Variants in FYN observed in about 807,000 individuals in gnomAD.
The protein encoded by FYN is tyrosine-protein kinase Fyn.
In FYN, 10 loss-of-function variants were observed where a neutral mutation model predicts 70.2. The observed-to-expected ratio is 0.14, with a 90% confidence interval of 0.09 to 0.24. The LOEUF (loss-of-function observed/expected upper bound fraction) is 0.24. Ranked by LOEUF, FYN falls within the 10% of genes least tolerant of loss-of-function variation. The pLI, the probability that FYN is intolerant of heterozygous loss-of-function variation, is 1.00. For missense variants in FYN, 319 were observed against 673.1 expected, an observed-to-expected ratio of 0.47 and a Z score of 5.82; for synonymous variants, 236 against 248.6, an observed-to-expected ratio of 0.95 and a Z score of 0.48.
chr6:111,726,161 T>C (rs1014568937), intron 3 of FYN, among the ~76,000 whole-genome samples: 1 of 152,222 alleles, frequency 6.6e-6, no homozygotes, highest in African/African-American at 2.4e-5. Context: ...AACATTTGAT[T>C]TCGGCTTTGC....
chr6:111,719,795 G>A lies in FYN; in HGVS notation c.247+10C>T. The A allele has an allele frequency of 1.9e-6, 3 of 1,612,598 alleles. No homozygotes were observed. Among genetic ancestry groups the A allele is most frequent in the Non-Finnish European group, 2.5e-6 (3 of 1,178,826 alleles). ...CCCCCTCTCTGCACTCTGTGACTTT[G>A]GGGGCTTACCTGTTCCTCCTCTCGT... On this transcript the variant is annotated intron_variant, in intron 4 of 13. Transcript: ENST00000354650.
At chr6:111,804,599 C>T (rs1181199107) in intron 2 of FYN, among the ~76,000 whole-genome samples, 2 of 152,170 alleles carry the variant, frequency 1.3e-5, no homozygotes, top group Admixed American at 6.5e-5. Flanking sequence ...AATGGCACAA[C>T]CTGAATTTTT....
chr6:111,717,853 A>G (rs1414372276), intron 4 of FYN, among the ~76,000 whole-genome samples: 2 of 152,212 alleles, frequency 1.3e-5, no homozygotes, highest in Non-Finnish European at 2.9e-5. Context: ...AGGACCACAG[A>G]GAAGAGTGGG....
chr6:111,688,722 G>T (rs965951495), intron 12 of FYN, among the ~76,000 whole-genome samples: 1 of 152,202 alleles, frequency 6.6e-6, no homozygotes, highest in Non-Finnish European at 1.5e-5. Flanking sequence ...AGGCCCATCT[G>T]ATATTCAGAC....
At chr6:111,663,146 G>C (rs1370720542) in intron 13 of FYN, among the ~76,000 whole-genome samples, 1 of 152,176 alleles carries the variant, frequency 6.6e-6, no homozygotes, top group Admixed American at 6.5e-5. Context: ...AAGCTGTGCT[G>C]TGCTTTGGTT....
chr6:111,752,479 T>C (rs754278303), intron 3 of FYN, among the ~76,000 whole-genome samples: 1 of 152,200 alleles, frequency 6.6e-6, no homozygotes, highest in African/African-American at 2.4e-5. Context: ...CAAGGCTCCA[T>C]TGAGGAGAGA....
intron 3 of FYN, among the ~76,000 whole-genome samples, chr6:111,779,721 T>C (rs928669180): frequency 3.9e-5 from 6 of 152,138 alleles, no homozygotes; most frequent in African/African-American, 1.4e-4. Context: ...ATCAAATGGA[T>C]GTAACCGGCC....
chr6:111,688,905 G>A (rs1799171541), intron 12 of FYN, among the ~76,000 whole-genome samples: 1 of 152,184 alleles, frequency 6.6e-6, no homozygotes, highest in African/African-American at 2.4e-5. Context: ...TCAAAGTGGT[G>A]ACTGCCCAGA....
At position 111,694,169 on chromosome 6, in the gene FYN, A is replaced by G. The variant is rs1352117202; in HGVS notation, c.1273+206T>C. ...ATACCCACCCACCCACCAAAAACCAATATCTCATCCCTCCACTGGGCCCAC... is the reference window on the plus strand; with the variant it reads ...ATACCCACCCACCCACCAAAAACCAGTATCTCATCCCTCCACTGGGCCCAC... On this transcript the variant is annotated intron_variant, in intron 12 of 13. Coordinates refer to ENST00000354650, the MANE Select transcript of FYN (RefSeq NM_002037.5). The surrounding 1 kb of genome is among the most constrained non-coding windows in gnomAD (Gnocchi z 5.0). Among the ~76,000 whole-genome samples, 4 of 151,976 alleles carry G rather than the reference A, an allele frequency of 2.6e-5. No individual in the cohort carries two copies. Among genetic ancestry groups the G allele is most frequent in the African/African-American group, 4.8e-5 (2 of 41,372 alleles).
At chr6:111,732,681 G>A (rs1801520410) in intron 3 of FYN, among the ~76,000 whole-genome samples, 3 of 152,180 alleles carry the variant, frequency 2.0e-5, no homozygotes, top group Non-Finnish European at 4.4e-5. Context: ...AACTCCTTGT[G>A]ACTGGGTATA....
chr6:111,836,519 C>T (rs1228714115), intron 2 of FYN, among the ~76,000 whole-genome samples: 1 of 152,190 alleles, frequency 6.6e-6, no homozygotes, highest in Non-Finnish European at 1.5e-5. Flanking sequence ...AATCTCAGAT[C>T]TTTCGAAGGT....
chr6:111,682,451 G>T (rs1013504796), intron 12 of FYN, among the ~76,000 whole-genome samples: 14 of 152,170 alleles, frequency 9.2e-5, no homozygotes, highest in Non-Finnish European at 2.1e-4. Context: ...GCCTCAAATA[G>T]AAATAGCTTA....
chr6:111,705,367 T>TTCA, intron 6 of FYN, among the ~76,000 whole-genome samples: 2 of 151,592 alleles, frequency 1.3e-5, no homozygotes, highest in Non-Finnish European at 1.5e-5. Context: ...GTGATCTGTG[T>TTCA]TCATCATCTT....
intron 2 of FYN, among the ~76,000 whole-genome samples, chr6:111,800,390 G>A (rs1771946600): frequency 1.3e-5 from 2 of 152,128 alleles, no homozygotes; most frequent in African/African-American, 4.8e-5. Context: ...TACAGCTTGT[G>A]GGAGGCTCTG....
chr6:111,794,594 A>C (rs1430162080), intron 2 of FYN, among the ~76,000 whole-genome samples: 1 of 152,222 alleles, frequency 6.6e-6, no homozygotes, highest in Non-Finnish European at 1.5e-5. Flanking sequence ...TGAACTGAGA[A>C]TGGTTTTTAC....
At chr6:111,750,858 A>G (rs1802455242) in intron 3 of FYN, among the ~76,000 whole-genome samples, 1 of 152,210 alleles carries the variant, frequency 6.6e-6, no homozygotes, top group Admixed American at 6.5e-5. Flanking sequence ...CAGCAAAGTC[A>G]CAGAACAATG....
chr6:111,764,244 A>AAAAG (rs1393529393), intron 3 of FYN, among the ~76,000 whole-genome samples: 1 of 149,374 alleles, frequency 6.7e-6, no homozygotes, highest in Non-Finnish European at 1.5e-5. Context: ...AAAAGAAAAA[A>AAAAG]AAAGAAAGAA....
At chr6:111,727,428 T>C (rs919058544) in intron 3 of FYN, among the ~76,000 whole-genome samples, 2 of 152,168 alleles carry the variant, frequency 1.3e-5, no homozygotes, top group South Asian at 2.1e-4. Flanking sequence ...ATTTACTGCA[T>C]AAACTGAGAT....
intron 3 of FYN, among the ~76,000 whole-genome samples, chr6:111,770,582 G>T (rs1185310971): frequency 6.6e-6 from 1 of 152,180 alleles, no homozygotes; most frequent in African/African-American, 2.4e-5. Flanking sequence ...AATCAGGTCT[G>T]TCCTAGTTTA....
Sources: gnomAD v4.1 joint callset for allele counts (sites outside exome capture counted in the v4.1 genomes callset) on GRCh38, gnomAD v4.1.1 for gene constraint, Gnocchi (gnomAD v3.1) non-coding constraint, MANE v1.5 for transcripts, NCBI Gene and HGNC (gene_info 2026-07-23, HGNC 2026-07-21) for gene names.